The following CHD9 variants were observed in gnomAD, a reference collection of about 807,000 sequenced individuals.
The protein encoded by CHD9 is chromodomain helicase DNA binding protein 9.
A neutral mutation model predicts 316.1 loss-of-function variants in CHD9; 77 were observed. The ratio of observed to expected loss-of-function variants is 0.24; its 90% CI spans 0.20 to 0.29. The LOEUF (loss-of-function observed/expected upper bound fraction) is 0.29. Among genes scored for constraint, CHD9 ranks in the 10% least tolerant of loss-of-function variants. CHD9 has a pLI of 1.00. For synonymous variants in CHD9, 1,129 were observed against 1,158.3 expected, an observed-to-expected ratio of 0.97 and a Z score of 0.51; for missense variants, 2,763 against 3,438.1, an observed-to-expected ratio of 0.80 and a Z score of 4.91.
At chr16:53,108,195 C>A (rs537127611) in intron 1 of CHD9, among the ~76,000 whole-genome samples, 18 of 152,106 alleles carry the variant, frequency 1.2e-4, no homozygotes, top group Non-Finnish European at 2.2e-4. Flanking sequence ...GGTTAAAATG[C>A]TAAAGTAGAA....
At chr16:53,292,700 CT>C in intron 28 of CHD9, 132 bp from the exon 29 acceptor site, 1 of 687,818 alleles carries the variant, frequency 1.5e-6, no homozygotes, top group Non-Finnish European at 2.5e-6. Flanking sequence ...TTAAAAGAAG[CT>C]TTTAGGATGA....
At position 53,324,797 on chromosome 16, in the gene CHD9, A is replaced by C; in HGVS notation, c.8596A>C (p.Asn2866His). The change falls in exon 39 of 39, where the codon AAC (asparagine) becomes CAC (histidine). Residue 2866 changes from asparagine (N) to histidine (H), a missense_variant. Asn to His is a moderately conservative substitution (Grantham distance 68, BLOSUM62 1). Coordinates refer to ENST00000447540, the MANE Select transcript of CHD9 (RefSeq NM_001308319.2). ...GGTEPSPLNE[N>H]STDEGSEKAD... ...AACTGAACCAAGTCCTCTCAATGAA[A>C]ACAGCACAGATGAGGGTTCAGAGAA... 1 of 1,613,158 alleles carries C rather than the reference A, an allele frequency of 6.2e-7. No homozygotes were observed. Among genetic ancestry groups the C allele is most frequent in the Non-Finnish European group, 8.5e-7 (1 of 1,179,552 alleles).
intron 2 of CHD9, among the ~76,000 whole-genome samples, chr16:53,181,568 G>A (rs1437822099): frequency 6.6e-6 from 1 of 152,098 alleles, no homozygotes; most frequent in Non-Finnish European, 1.5e-5. Flanking sequence ...TTAAGTTTCT[G>A]TGTAAACTAA....
intron 15 of CHD9, 45 bp from the exon 16 acceptor site, chr16:53,247,248 C>T: frequency 7.3e-7 from 1 of 1,361,788 alleles, no homozygotes; most frequent in Non-Finnish European, 1.0e-6. Context: ...TTGGGAATTT[C>T]CTGCATTTGC....
At chr16:53,297,228 A>G in intron 30 of CHD9, 70 bp downstream of exon 30, 1 of 1,139,070 alleles carries the variant, frequency 8.8e-7, no homozygotes, top group Non-Finnish European at 1.3e-6. Flanking sequence ...GGAAATTTCC[A>G]ATTTGTCTCT....
chr16:53,255,473 T>C, intron 18 of CHD9, 127 bp from the exon 19 acceptor site: 1 of 697,924 alleles, frequency 1.4e-6, no homozygotes, highest in Non-Finnish European at 2.4e-6. Flanking sequence ...AATTCTCTCT[T>C]ATGCGCATCC....
chr16:53,169,899 A>T (rs1022494856), intron 2 of CHD9, among the ~76,000 whole-genome samples: 1 of 152,146 alleles, frequency 6.6e-6, no homozygotes, highest in Non-Finnish European at 1.5e-5. Context: ...TTTAGTTGTT[A>T]TGTCTCTTTA....
intron 2 of CHD9, among the ~76,000 whole-genome samples, chr16:53,183,792 T>C (rs2043740631): frequency 1.3e-5 from 2 of 152,158 alleles, no homozygotes; most frequent in Non-Finnish European, 2.9e-5. Context: ...TGCAATACAA[T>C]GCAAATACAT....
intron 3 of CHD9, among the ~76,000 whole-genome samples, chr16:53,219,240 T>A (rs1413643619): frequency 2.6e-5 from 4 of 152,134 alleles, no homozygotes; most frequent in Non-Finnish European, 4.4e-5. Flanking sequence ...ATATTGAGGT[T>A]GTGATACCTA....
chr16:53,253,995 G>A (rs2050348843), intron 17 of CHD9, among the ~76,000 whole-genome samples: 1 of 152,136 alleles, frequency 6.6e-6, no homozygotes, highest in African/African-American at 2.4e-5. Flanking sequence ...TGGCCAACAT[G>A]GTGAAACCCC....
chr16:53,132,895 T>C (rs1336223506), intron 1 of CHD9, among the ~76,000 whole-genome samples: 1 of 149,266 alleles, frequency 6.7e-6, no homozygotes, highest in Non-Finnish European at 1.5e-5. Context: ...TGCAACCTCT[T>C]CCTCCCAGGT....
In CHD9 at chr16:53,267,541, A is replaced by G; in HGVS notation, c.4517+51A>G. The G allele has an allele frequency of 1.7e-5, 22 of 1,279,556 alleles. No individual in the cohort carries two copies. In the South Asian group the frequency reaches 3.5e-4, roughly 20 times the overall value. The allele number at this position is 1,279,556 out of a possible 1,614,324, so 79.3% of individuals were successfully genotyped here. ...TCTAAGTAGTCTGGTATGTAATGTT[A>G]CAGAAAATATATACTGGTTTTGAGT... On this transcript the variant is annotated intron_variant, in intron 21 of 38. Coordinates refer to ENST00000447540, the MANE Select transcript of CHD9 (RefSeq NM_001308319.2).
At chr16:53,262,103 A>G (rs1258784474) in intron 19 of CHD9, among the ~76,000 whole-genome samples, 1 of 152,094 alleles carries the variant, frequency 6.6e-6, no homozygotes, top group African/African-American at 2.4e-5. Context: ...ACCATTTACC[A>G]CTAGTCTCCT....
At chr16:53,118,798 T>C (rs1015486058) in intron 1 of CHD9, among the ~76,000 whole-genome samples, 23 of 149,686 alleles carry the variant, frequency 1.5e-4, no homozygotes, top group Admixed American at 9.3e-4. Context: ...ACTTTCTTTT[T>C]TTTTTTTTTT....
intron 1 of CHD9, among the ~76,000 whole-genome samples, chr16:53,125,771 A>G (rs572503832): frequency 6.6e-5 from 10 of 152,200 alleles, no homozygotes; most frequent in Non-Finnish European, 1.5e-4. Flanking sequence ...CAATGTTCTG[A>G]GCACATTTAA....
At chr16:53,313,808 T>C (rs1245272637) in intron 34 of CHD9, among the ~76,000 whole-genome samples, 2 of 151,434 alleles carry the variant, frequency 1.3e-5, no homozygotes, top group Middle Eastern at 3.4e-3. Flanking sequence ...AAAAAATTAG[T>C]TGGGCGTGGT....
chr16:53,258,517 A>G (rs534299111), intron 19 of CHD9, among the ~76,000 whole-genome samples: 1 of 152,178 alleles, frequency 6.6e-6, no homozygotes, highest in East Asian at 1.9e-4. Context: ...ACATTTGCCA[A>G]AATGGGATAT....
At chr16:53,268,592 A>C (rs1246339557) in intron 22 of CHD9, among the ~76,000 whole-genome samples, 1 of 152,058 alleles carries the variant, frequency 6.6e-6, no homozygotes, top group African/African-American at 2.4e-5. Flanking sequence ...GGAATTATTA[A>C]AGTATAGCTT....
At chr16:53,172,939 C>T (rs1461654112) in intron 2 of CHD9, among the ~76,000 whole-genome samples, 1 of 152,060 alleles carries the variant, frequency 6.6e-6, no homozygotes, top group Middle Eastern at 3.2e-3. Flanking sequence ...TTCTCCCAGT[C>T]TGTGGGTTGC....
Sources: allele counts gnomAD v4.1 joint callset (sites outside exome capture counted in the v4.1 genomes callset), GRCh38; gene constraint gnomAD v4.1.1; transcripts MANE v1.5; gene names NCBI Gene and HGNC (gene_info 2026-07-23, HGNC 2026-07-21).